ZFHX3: variants seen among roughly 807,000 people sequenced by gnomAD.
The protein encoded by ZFHX3 is zinc finger homeobox 3.
ZFHX3 carries 42 observed loss-of-function variants against 279.1 expected under a neutral mutation model. The observed-to-expected ratio is 0.15, with a 90% CI of 0.12 to 0.19. The LOEUF (loss-of-function observed/expected upper bound fraction) is 0.19, where lower values mean the gene tolerates loss of function less well. Among genes scored for constraint, ZFHX3 ranks in the 10% least tolerant of loss-of-function variants. ZFHX3 has a pLI of 1.00. For synonymous variants in ZFHX3, 2,293 were observed against 1,957.8 expected (o/e 1.17, Z -4.52); for missense variants, 4,981 against 4,754.0 (o/e 1.05, Z -1.40).
chr16:72,822,802 T>G (rs906950745), intron 5 of ZFHX3, among the ~76,000 whole-genome samples: 1 of 150,102 alleles, frequency 6.7e-6, no homozygotes, highest in African/African-American at 2.5e-5. Flanking sequence ...TGAGTTTTTT[T>G]TTTTTTTTTT....
At chr16:73,705,861 C>A (rs977793340) in intron 1 of ZFHX3, among the ~76,000 whole-genome samples, 6 of 152,204 alleles carry the variant, frequency 3.9e-5, no homozygotes, top group African/African-American at 1.4e-4. Context: ...ATACATTCAG[C>A]CTCAGATAGG....
At chr16:73,789,283 C>T (rs1049380592) in intron 1 of ZFHX3, among the ~76,000 whole-genome samples, 1 of 151,900 alleles carries the variant, frequency 6.6e-6, no homozygotes, top group African/African-American at 2.4e-5. Flanking sequence ...CAGGTTCAAG[C>T]GATTCTCCTG....
chr16:73,616,790 AAAC>A (rs1326303607), intron 2 of ZFHX3, among the ~76,000 whole-genome samples: 1 of 152,182 alleles, frequency 6.6e-6, no homozygotes, highest in African/African-American at 2.4e-5. Context: ...GTTTCATTTT[AAAC>A]AACATGAGGC....
chr16:72,844,040 T>A (rs193206040), intron 4 of ZFHX3, among the ~76,000 whole-genome samples: 1 of 152,158 alleles, frequency 6.6e-6, no homozygotes, highest in Admixed American at 6.5e-5. Flanking sequence ...CTCACTCACA[T>A]ACTCCTCCCC....
intron 1 of ZFHX3, among the ~76,000 whole-genome samples, chr16:73,000,001 C>T (rs1299326634): frequency 6.6e-6 from 1 of 152,196 alleles, no homozygotes; most frequent in Non-Finnish European, 1.5e-5. Context: ...AAGGTGTGCA[C>T]AGAGTTTTGA....
intron 2 of ZFHX3, among the ~76,000 whole-genome samples, chr16:73,528,655 C>T (rs926697535): frequency 1.1e-4 from 16 of 152,222 alleles, no homozygotes; most frequent in African/African-American, 3.9e-4. Flanking sequence ...TGGAAATATA[C>T]ATTAATGCTA....
At chr16:73,722,286 T>C (rs561600338) in intron 1 of ZFHX3, among the ~76,000 whole-genome samples, 1 of 152,286 alleles carries the variant, frequency 6.6e-6, no homozygotes, top group South Asian at 2.1e-4. Flanking sequence ...CTCGATTGGT[T>C]GATGATGCCT....
intron 3 of ZFHX3, among the ~76,000 whole-genome samples, chr16:73,358,189 A>G (rs1408180032): frequency 6.6e-6 from 1 of 152,124 alleles, no homozygotes; most frequent in African/African-American, 2.4e-5. Flanking sequence ...GGCCCCCAGC[A>G]CCGTCCACTC....
intron 2 of ZFHX3, among the ~76,000 whole-genome samples, chr16:73,631,898 T>TTCTC (rs139812596): frequency 0.011 from 1,436 of 129,910 alleles, 14 homozygotes; most frequent in African/African-American, 0.027. Context: ...TAGAGTGGGA[T>TTCTC]TCTCTCTCTC....
intron 4 of ZFHX3, among the ~76,000 whole-genome samples, chr16:72,840,211 G>A (rs2037311371): frequency 6.6e-6 from 1 of 152,134 alleles, no homozygotes; most frequent in Admixed American, 6.5e-5. Context: ...AGGAGGGCCT[G>A]TAAGTGTACT....
At chr16:73,067,519 C>G (rs1965770557) in intron 8 of ZFHX3, among the ~76,000 whole-genome samples, 1 of 152,212 alleles carries the variant, frequency 6.6e-6, no homozygotes, top group Non-Finnish European at 1.5e-5. Context: ...CCTGGTCTCC[C>G]CCATTATTTT....
At chr16:73,047,647 CCT>C (rs1965346452) in intron 1 of ZFHX3, 103 bp downstream of exon 1, 1 of 153,068 alleles carries the variant, frequency 6.5e-6, no homozygotes, top group Non-Finnish European at 1.5e-5. Context: ...TCCAGCCTGC[CCT>C]TCCCCCACAC....
At chr16:72,860,654 T>C (rs558019651) in intron 4 of ZFHX3, among the ~76,000 whole-genome samples, 1 of 152,290 alleles carries the variant, frequency 6.6e-6, no homozygotes, top group Admixed American at 6.5e-5. Flanking sequence ...GGTCTTGAAC[T>C]CCTGACCTTA....
At chr16:73,661,316 G>A (rs1195752775) in intron 2 of ZFHX3, among the ~76,000 whole-genome samples, 1 of 152,194 alleles carries the variant, frequency 6.6e-6, no homozygotes, top group African/African-American at 2.4e-5. Flanking sequence ...AGAAAATACA[G>A]TACCTGCTTA....
At chr16:73,499,130 T>C (rs1453000028) in intron 2 of ZFHX3, 1 of 152,178 alleles carries the variant, frequency 6.6e-6, no homozygotes, top group Non-Finnish European at 1.5e-5. Flanking sequence ...ACCATGCATC[T>C]AAAGAGAGCT....
intron 1 of ZFHX3, among the ~76,000 whole-genome samples, chr16:72,970,141 G>T (rs954715247): frequency 1.3e-5 from 2 of 152,160 alleles, no homozygotes; most frequent in African/African-American, 4.8e-5. Flanking sequence ...GAGGGCAACA[G>T]GAGAGAGTCG....
chr16:72,852,406 C>A (rs1452020524), intron 4 of ZFHX3, among the ~76,000 whole-genome samples: 1 of 152,188 alleles, frequency 6.6e-6, no homozygotes, highest in Non-Finnish European at 1.5e-5. Flanking sequence ...CTCAGAGAGC[C>A]TCCCTTGAGA....
At chr16:73,242,382 C>T (rs2144945369) in intron 5 of ZFHX3, among the ~76,000 whole-genome samples, 1 of 152,326 alleles carries the variant, frequency 6.6e-6, no homozygotes, top group African/African-American at 2.4e-5. Context: ...AGCCTGGTAA[C>T]TACTGCTCCA....
At position 72,794,120 on chromosome 16, in the gene ZFHX3, A is replaced by G; in HGVS notation, c.8562T>C (p.Asp2854=). ...TTGCTATTCCCGTTGCACTGTCGTT[A>G]TCTGCGTTGCCCTCGTCTCCAGTTG... ...DTTTGDEGNA[D]NDSATGIATE... is the part of the protein sequence containing the mutation. Residue 2854 remains aspartate, a synonymous_variant, in exon 9 of 10, where the codon GAT becomes GAC. Coordinates refer to ENST00000268489, the MANE Select transcript of ZFHX3 (RefSeq NM_006885.4). This position sits in a 1 kb window ranked among gnomAD's most constrained non-coding sequence, Gnocchi z 4.2. 6.2e-7 allele frequency: 1 copy of G among 1,614,180 alleles called. No homozygotes were observed. Among genetic ancestry groups the G allele is most frequent in the East Asian group, 2.2e-5 (1 of 44,876 alleles).
Sources: gnomAD v4.1 joint callset for allele counts (sites outside exome capture counted in the v4.1 genomes callset) on GRCh38, gnomAD v4.1.1 for gene constraint, Gnocchi (gnomAD v3.1) non-coding constraint, MANE v1.5 for transcripts, NCBI Gene and HGNC (gene_info 2026-07-23, HGNC 2026-07-21) for gene names.